PTPRA: variants seen among roughly 807,000 people sequenced by gnomAD.
PTPRA encodes protein tyrosine phosphatase receptor type A.
A neutral mutation model predicts 104.8 loss-of-function variants in PTPRA; 25 were observed. The observed-to-expected ratio is 0.24, with a 90% CI of 0.17 to 0.33. The LOEUF (loss-of-function observed/expected upper bound fraction) is 0.33. Among genes scored for constraint, PTPRA ranks in the 10% least tolerant of loss-of-function variants. The pLI is 1.00. For missense variants in PTPRA, 765 were observed against 1,015.3 expected (o/e 0.75, Z 3.35); for synonymous variants, 323 against 368.9 (o/e 0.88, Z 1.43).
chr20:2,865,029 A>T, the PTPRA span: 1 of 1,614,162 alleles, frequency 6.2e-7, no homozygotes, highest in Non-Finnish European at 8.5e-7. This position sits in a 1 kb window ranked among gnomAD's most constrained non-coding sequence, Gnocchi z 5.2. Flanking sequence ...TGCCTTCTAC[A>T]AGGCCAAGAA....
chr20:2,914,570 A>G (rs966861202), intron 1 of PTPRA, among the ~76,000 whole-genome samples: 3 of 151,880 alleles, frequency 2.0e-5, no homozygotes, highest in African/African-American at 7.3e-5. Flanking sequence ...CCCTTCTCTG[A>G]CAGAGAAACT....
intron 6 of PTPRA, among the ~76,000 whole-genome samples, chr20:2,986,432 T>A (rs1023633322): frequency 4.6e-5 from 7 of 152,238 alleles, no homozygotes; most frequent in Admixed American, 4.6e-4. Flanking sequence ...AAGTACTGTT[T>A]TAGGCTCAAA....
chr20:3,033,225 T>C (rs1287756234), intron 20 of PTPRA, among the ~76,000 whole-genome samples: 1 of 151,900 alleles, frequency 6.6e-6, no homozygotes, highest in African/African-American at 2.4e-5. Context: ...GGGCTCCTGA[T>C]TTCCTCCTTC....
intron 2 of PTPRA, among the ~76,000 whole-genome samples, chr20:2,938,055 A>G (rs980037021): frequency 6.6e-6 from 1 of 152,188 alleles, no homozygotes; most frequent in Non-Finnish European, 1.5e-5. Flanking sequence ...GTGGTGGCTC[A>G]TGCCCATAAT....
chr20:2,972,415 A>G (rs2062228391), intron 5 of PTPRA, among the ~76,000 whole-genome samples: 1 of 152,080 alleles, frequency 6.6e-6, no homozygotes, highest in South Asian at 2.1e-4. Flanking sequence ...TGTTGCCCAG[A>G]CTGGTCATGA....
chr20:2,879,733 T>C (rs1188301357), intron 1 of PTPRA, among the ~76,000 whole-genome samples: 1 of 152,196 alleles, frequency 6.6e-6, no homozygotes, highest in Non-Finnish European at 1.5e-5. Context: ...TTTTTAGATA[T>C]GTTTAAATAC....
the PTPRA span, chr20:2,864,934 G>T: frequency 6.2e-7 from 1 of 1,612,256 alleles, no homozygotes; most frequent in Non-Finnish European, 8.5e-7. This position sits in a 1 kb window ranked among gnomAD's most constrained non-coding sequence, Gnocchi z 5.2. Context: ...GAGGGCGAGG[G>T]TCCTGCATGC....
Position 3,035,558 on chromosome 20 carries a change from C to G in PTPRA, c.1921-27C>G, listed in dbSNP as rs1438123089. On this transcript the variant is annotated intron_variant, in intron 20 of 23. Transcript: ENST00000399903. The surrounding 1 kb of genome is among the most constrained non-coding windows in gnomAD (Gnocchi z 5.8). ...TTCTACACATGTGGTACTCTGAGCT[C>G]CTCACCTCTCCAACCTGTCTCTCCA... 6.2e-7 allele frequency: 1 copy of G among 1,600,140 alleles called. No individual in the cohort carries two copies. The highest frequency in any genetic ancestry group is 8.6e-7 in the Non-Finnish European group (1 of 1,167,868).
chr20:3,026,872 C>G, intron 18 of PTPRA, 92 bp downstream of exon 18: 1 of 1,160,378 alleles, frequency 8.6e-7, no homozygotes, highest in Non-Finnish European at 1.3e-6. Flanking sequence ...TAATGATTGG[C>G]GTATAGACAA....
chr20:3,012,296 A>G (rs536028806), intron 11 of PTPRA, among the ~76,000 whole-genome samples: 22 of 152,376 alleles, frequency 1.4e-4, no homozygotes, highest in Non-Finnish European at 2.8e-4. Flanking sequence ...ATTGGGGGCT[A>G]TTGCAATAGC....
At chr20:2,875,873 C>T (rs1004519802) in intron 1 of PTPRA, among the ~76,000 whole-genome samples, 2 of 151,930 alleles carry the variant, frequency 1.3e-5, no homozygotes, top group African/African-American at 2.4e-5. Flanking sequence ...TTTCCTGGGA[C>T]GGGGGGGCCT....
chr20:2,974,805 G>A (rs2062361440), intron 5 of PTPRA, among the ~76,000 whole-genome samples: 1 of 152,170 alleles, frequency 6.6e-6, no homozygotes, highest in African/African-American at 2.4e-5. Flanking sequence ...AAGGGCTGTG[G>A]ATATTTCACT....
Position 3,035,542 on chromosome 20 carries a change from TGTG to T in PTPRA, c.1921-40_1921-38del, listed in dbSNP as rs776989365. The T allele has an allele frequency of 7.6e-6, 12 of 1,575,152 alleles. No homozygotes were observed. Among genetic ancestry groups the T allele is most frequent in the Non-Finnish European group, 8.7e-6 (10 of 1,146,584 alleles). The stretch of plus-strand genomic sequence containing the variant: ...TCGTGGGCAGTGCTGCTTCTACACA[TGTG>T]GTACTCTGAGCTCCTCACCTCTCCA... On this transcript the variant is annotated intron_variant, in intron 20 of 23. Coordinates refer to ENST00000399903, the MANE Select transcript of PTPRA (RefSeq NM_001385305.1). The surrounding 1 kb of genome is among the most constrained non-coding windows in gnomAD (Gnocchi z 5.8).
intron 9 of PTPRA, among the ~76,000 whole-genome samples, chr20:2,993,118 A>C (rs1261122128): frequency 6.6e-6 from 1 of 152,004 alleles, no homozygotes; most frequent in Non-Finnish European, 1.5e-5. Flanking sequence ...TTGATTGATC[A>C]GATGGATTAG....
intron 1 of PTPRA, among the ~76,000 whole-genome samples, chr20:2,898,354 A>C (rs2059100114): frequency 6.6e-6 from 1 of 151,690 alleles, no homozygotes; most frequent in African/African-American, 2.4e-5. Context: ...TGCTGGGATT[A>C]CAGGCGTGAG....
intron 2 of PTPRA, among the ~76,000 whole-genome samples, chr20:2,943,218 C>CCCA (rs1555804527): frequency 1.4e-5 from 2 of 146,802 alleles, no homozygotes; most frequent in Admixed American, 6.8e-5. Context: ...CCCCCACCCC[C>CCCA]CCCCCAGATA....
intron 1 of PTPRA, among the ~76,000 whole-genome samples, chr20:2,917,282 A>T (rs1169691697): frequency 1.3e-5 from 2 of 152,110 alleles, no homozygotes; most frequent in Non-Finnish European, 2.9e-5. Context: ...ATAAATAAAG[A>T]CATAAGATGT....
chr20:2,931,791 G>A (rs975370853), intron 2 of PTPRA, among the ~76,000 whole-genome samples: 1 of 151,800 alleles, frequency 6.6e-6, no homozygotes, highest in African/African-American at 2.4e-5. Context: ...GAGTGCCATG[G>A]CATAATCATA....
intron 17 of PTPRA, among the ~76,000 whole-genome samples, chr20:3,026,150 C>T (rs558982684): frequency 1.3e-5 from 2 of 151,788 alleles, no homozygotes; most frequent in Non-Finnish European, 2.9e-5. Context: ...GTTGGCCATG[C>T]GGGTCTCAAA....
Sources: allele counts gnomAD v4.1 joint callset (sites outside exome capture counted in the v4.1 genomes callset), GRCh38; gene constraint gnomAD v4.1.1; non-coding constraint Gnocchi (gnomAD v3.1); transcripts MANE v1.5; gene names NCBI Gene and HGNC (gene_info 2026-07-23, HGNC 2026-07-21).